Variants in SDK2 observed in about 807,000 individuals in gnomAD.
The protein encoded by SDK2 is protein sidekick-2.
Under a neutral mutation model 253.9 loss-of-function variants are expected in SDK2, and 105 were observed. The ratio of observed to expected loss-of-function variants is 0.41; its 90% CI spans 0.35 to 0.49. SDK2 has a LOEUF of 0.49. Ranked by LOEUF, SDK2 falls within the 20% of genes least tolerant of loss-of-function variation. The pLI is 0.06. For missense variants in SDK2, 2,608 were observed against 3,003.0 expected (o/e 0.87, Z 3.07); for synonymous variants, 1,249 against 1,234.9 (o/e 1.01, Z -0.24).
intron 30 of SDK2, among the ~76,000 whole-genome samples, chr17:73,387,408 C>T (rs2062881639): frequency 6.6e-6 from 1 of 152,122 alleles, no homozygotes; most frequent in Non-Finnish European, 1.5e-5. Context: ...GAAAGTATTG[C>T]TCAAAACTCC....
intron 18 of SDK2, among the ~76,000 whole-genome samples, chr17:73,409,449 C>T (rs1230547812): frequency 1.5e-5 from 2 of 135,504 alleles, no homozygotes; most frequent in African/African-American, 5.6e-5. Flanking sequence ...CCTGGGTGAC[C>T]GAGCAAGACT....
At chr17:73,373,075 A>G (rs981996995) in intron 36 of SDK2, among the ~76,000 whole-genome samples, 1 of 151,988 alleles carries the variant, frequency 6.6e-6, no homozygotes, top group Non-Finnish European at 1.5e-5. Flanking sequence ...CTCTGTTCCT[A>G]TGAGTTTGAT....
chr17:73,422,339 G>C lies in SDK2; in HGVS notation c.1993C>G (p.Leu665Val), dbSNP rs990207168. 3.7e-6 allele frequency: 6 copies of C among 1,614,024 alleles called. No individual in the cohort carries two copies. Among genetic ancestry groups the C allele is most frequent in the Non-Finnish European group, 4.2e-6 (5 of 1,179,894 alleles). Reference sequence around the variant, plus strand: ...TTCCCCACGTCGTTGACGGCACAAAGACGGAACTGGTAGGAGCGTGCAGGA... The same window carrying C: ...TTCCCCACGTCGTTGACGGCACAAACACGGAACTGGTAGGAGCGTGCAGGA... Reference protein sequence around the residue: ...LVPARSYQFRLCAVNDVGKGQ... With the variant: ...LVPARSYQFRVCAVNDVGKGQ... The change falls in exon 15 of 45, where the codon CTT becomes GTT. Residue 665 changes from leucine to valine, a missense_variant. Around this residue, in one of 2 missense-constraint regions of SDK2, gnomAD observed 1,505 missense variants for 1,859.1 expected, o/e 0.81. Transcript: ENST00000392650.
At chr17:73,427,685 T>G (rs921335275) in intron 12 of SDK2, among the ~76,000 whole-genome samples, 2 of 144,048 alleles carry the variant, frequency 1.4e-5, no homozygotes, top group African/African-American at 2.5e-5. Context: ...TCTTACACCC[T>G]TCACAAAAAT....
At chr17:73,341,837 C>T (rs1042149608) in intron 44 of SDK2, among the ~76,000 whole-genome samples, 4 of 152,184 alleles carry the variant, frequency 2.6e-5, no homozygotes, top group East Asian at 1.9e-4. Flanking sequence ...CAGTCTGAAA[C>T]GCTGACATGC....
rs893166688 is a variant in SDK2 at position 73,415,883 on chromosome 17, C to G, written c.2296G>C (p.Glu766Gln). Reference sequence around the variant, plus strand: ...CCAGCGCTGTTGTAAGCAGCCACCTCGATCTCGTAGTTGGTCCAAATGATG... The same window carrying G: ...CCAGCGCTGTTGTAAGCAGCCACCTGGATCTCGTAGTTGGTCCAAATGATG... ...DLIIWTNYEI[E>Q]VAAYNSAGLG... The change falls in exon 17 of 45, where the codon GAG becomes CAG. Residue 766 changes from glutamate (E) to glutamine (Q), a missense_variant. Around this residue, in one of 2 missense-constraint regions of SDK2, gnomAD observed 1,505 missense variants for 1,859.1 expected, o/e 0.81. Transcript: ENST00000392650. The G allele has an allele frequency of 6.3e-7, 1 of 1,590,442 alleles. No homozygotes were observed. Among genetic ancestry groups the G allele is most frequent in the East Asian group, 2.3e-5 (1 of 43,750 alleles).
At chr17:73,469,992 G>GCGCGCGCGCGCGCA (rs1328450219) in intron 3 of SDK2, among the ~76,000 whole-genome samples, 4 of 126,184 alleles carry the variant, frequency 3.2e-5, no homozygotes, top group African/African-American at 1.2e-4. Flanking sequence ...GCGCGCGCGC[G>GCGCGCGCGCGCGCA]CACACACACA....
At position 73,643,957 on chromosome 17, in the gene SDK2, T is replaced by TGCCCCCCC; in HGVS notation, c.64+67_64+68insGGGGGGGC. On this transcript the variant is annotated intron_variant, in intron 1 of 44. Transcript: ENST00000392650. This position sits in a 1 kb window ranked among gnomAD's most constrained non-coding sequence, Gnocchi z 6.9. ...GGAGGTCACCGTGAGGCCGGCCAGC[T>TGCCCCCCC]CCCGCCGCCCCTCCCCCGCCCACTC... The TGCCCCCCC allele has an allele frequency of 3.9e-6, 4 of 1,019,990 alleles. No homozygotes were observed. Among genetic ancestry groups the TGCCCCCCC allele is most frequent in the Non-Finnish European group, 4.4e-6 (3 of 674,876 alleles). The allele number at this position is 1,019,990 out of a possible 1,614,324, so 63.2% of individuals were successfully genotyped here. A position where few individuals can be genotyped will look rare whatever the true frequency, so the allele number is the denominator to read the frequency against.
In SDK2 at chr17:73,443,419, T is replaced by C. The variant is rs9892561; in HGVS notation, c.614-2496A>G. 0.27 allele frequency among the ~76,000 whole-genome samples: 41,520 copies of C among 152,204 alleles called. 6,083 individuals carry two copies. The highest frequency in any genetic ancestry group is 0.39 in the South Asian group (1,891 of 4,826). ...TAAAAGTGTGCTCTAAGTTGTTTAT[T>C]ACATGCGGGGGCGCGCAGGTACCAC... On this transcript the variant is annotated intron_variant, in intron 5 of 44. Coordinates refer to ENST00000392650, the MANE Select transcript of SDK2 (RefSeq NM_001144952.2). The surrounding 1 kb of genome is among the most constrained non-coding windows in gnomAD (Gnocchi z 4.6).
chr17:73,614,329 A>G (rs898875581), intron 1 of SDK2, among the ~76,000 whole-genome samples: 2 of 152,080 alleles, frequency 1.3e-5, no homozygotes, highest in Admixed American at 6.5e-5. Flanking sequence ...CCGAGGATGG[A>G]CCACGTTTCC....
intron 28 of SDK2, among the ~76,000 whole-genome samples, chr17:73,390,858 GA>G (rs1277376235): frequency 6.6e-6 from 1 of 152,220 alleles, no homozygotes; most frequent in Non-Finnish European, 1.5e-5. Context: ...CTGTCTTGGG[GA>G]TGTGGCATTG....
At chr17:73,602,956 C>G (rs770292532) in intron 1 of SDK2, among the ~76,000 whole-genome samples, 5 of 152,114 alleles carry the variant, frequency 3.3e-5, no homozygotes, top group African/African-American at 1.2e-4. Context: ...AACTCCTGAC[C>G]TCAAGTGATC....
At chr17:73,509,680 C>T (rs67269638) in intron 1 of SDK2, among the ~76,000 whole-genome samples, 26,692 of 149,146 alleles carry the variant, frequency 0.18, 2,992 homozygotes, top group Middle Eastern at 0.24. Context: ...AGGTGGATTG[C>T]CTGAGATCAG....
intron 15 of SDK2, among the ~76,000 whole-genome samples, chr17:73,420,094 C>T (rs2063216938): frequency 6.6e-6 from 1 of 152,152 alleles, no homozygotes; most frequent in Non-Finnish European, 1.5e-5. Context: ...CAGGCAGGAG[C>T]AGGGCGGGCA....
chr17:73,508,318 A>G (rs561343009), intron 1 of SDK2, among the ~76,000 whole-genome samples: 3 of 152,388 alleles, frequency 2.0e-5, no homozygotes, highest in African/African-American at 7.2e-5. Context: ...TTCTCTCGAC[A>G]GAGACCGTGA....
At chr17:73,371,226 A>T (rs1212054793) in intron 36 of SDK2, among the ~76,000 whole-genome samples, 2 of 150,244 alleles carry the variant, frequency 1.3e-5, no homozygotes, top group Admixed American at 6.6e-5. Flanking sequence ...GTCATGGCTG[A>T]TGCTAAAAGT....
At chr17:73,622,753 T>A (rs1373251221) in intron 1 of SDK2, among the ~76,000 whole-genome samples, 1 of 152,242 alleles carries the variant, frequency 6.6e-6, no homozygotes, top group Non-Finnish European at 1.5e-5. Context: ...CCTAGATCTA[T>A]CATGGCCCAA....
chr17:73,358,842 G>C (rs60875552), intron 39 of SDK2, among the ~76,000 whole-genome samples: 169 of 152,256 alleles, frequency 1.1e-3, no homozygotes, highest in African/African-American at 3.8e-3. Flanking sequence ...GCTAGGAGGA[G>C]GGAGGAAGGA....
chr17:73,395,283 C>G lies in SDK2; in HGVS notation c.3464G>C (p.Arg1155Pro). ...CTCGATGGTGTAGTCCCGCTCCACA[C>G]GGTCCTGCACCACGTGGCTCAGCGT... The part of the protein sequence containing the change: ...GKTLSHVVQD[R>P]VERDYTIEDL... Residue 1155 changes from arginine to proline, a missense_variant, in exon 25 of 45, where the codon CGT becomes CCT. Physicochemically the swap from Arg to Pro is moderately radical, Grantham distance 103. This residue lies in a region of SDK2 where 1,505 missense variants were observed against 1,859.1 expected (regional missense o/e 0.81). Transcript: ENST00000392650. This position sits in a 1 kb window ranked among gnomAD's most constrained non-coding sequence, Gnocchi z 4.3. 3 of 1,613,972 alleles carry G rather than the reference C, an allele frequency of 1.9e-6. No homozygotes were observed. The highest frequency in any genetic ancestry group is 1.7e-6 in the Non-Finnish European group (2 of 1,179,868).
Sources: allele counts gnomAD v4.1 joint callset (sites outside exome capture counted in the v4.1 genomes callset), GRCh38; gene constraint gnomAD v4.1.1; regional missense constraint gnomAD v4.1.1; non-coding constraint Gnocchi (gnomAD v3.1); transcripts MANE v1.5; gene names NCBI Gene and HGNC (gene_info 2026-07-23, HGNC 2026-07-21).